Variants in PHACTR1 observed in about 807,000 individuals in gnomAD.
PHACTR1 encodes RPEL repeat containing 1.
A neutral mutation model predicts 69.2 loss-of-function variants in PHACTR1; 16 were observed. The observed-to-expected ratio is 0.23, with a 90% CI of 0.16 to 0.35. PHACTR1 has a LOEUF of 0.35. Among genes scored for constraint, PHACTR1 ranks in the 10% least tolerant of loss-of-function variants. PHACTR1 has a pLI of 1.00. For synonymous variants in PHACTR1, 312 were observed against 284.5 expected, an observed-to-expected ratio of 1.10 and a Z score of -0.97; for missense variants, 510 against 734.7, an observed-to-expected ratio of 0.69 and a Z score of 3.54.
At chr6:13,164,204 T>C (rs184651763) in intron 6 of PHACTR1, among the ~76,000 whole-genome samples, 53 of 152,304 alleles carry the variant, frequency 3.5e-4, no homozygotes, top group Non-Finnish European at 6.0e-4. Flanking sequence ...CTTCCCTTTC[T>C]ATAATATCAT....
At chr6:12,900,288 T>G (rs1785065029) in intron 4 of PHACTR1, among the ~76,000 whole-genome samples, 1 of 152,214 alleles carries the variant, frequency 6.6e-6, no homozygotes, top group Non-Finnish European at 1.5e-5. Flanking sequence ...CTCATCATTT[T>G]TTTTTTCGAA....
chr6:12,908,385 G>A (rs1444931874), intron 4 of PHACTR1, among the ~76,000 whole-genome samples: 3 of 152,182 alleles, frequency 2.0e-5, no homozygotes, highest in Non-Finnish European at 4.4e-5. Context: ...AGTGAGCTCA[G>A]TCCCAGGGAT....
rs151290036 is a variant in PHACTR1, at chr6:13,094,175, A to G, written c.415+40646A>G. On this transcript the variant is annotated intron_variant, in intron 5 of 14. Transcript: ENST00000332995. Reference sequence around the variant, plus strand: ...GGATTACAGGTGTGAGCCACCACACATGGCCAGCTATTTTTTATTTTAGGT... The same window carrying G: ...GGATTACAGGTGTGAGCCACCACACGTGGCCAGCTATTTTTTATTTTAGGT... Among the ~76,000 whole-genome samples, 614 of 151,470 alleles carry G rather than the reference A, an allele frequency of 4.1e-3. 3 individuals carry two copies. Among genetic ancestry groups the G allele is most frequent in the African/African-American group, 0.014 (587 of 41,298 alleles).
intron 4 of PHACTR1, among the ~76,000 whole-genome samples, chr6:12,898,763 T>A (rs1784922047): frequency 1.3e-5 from 2 of 152,186 alleles, no homozygotes; most frequent in Admixed American, 1.3e-4. Context: ...GACTTCCCCA[T>A]CGATGTCAGA....
chr6:13,076,026 TC>T (rs55987619), intron 5 of PHACTR1, among the ~76,000 whole-genome samples: 32,632 of 136,462 alleles, frequency 0.24, 4,572 homozygotes, highest in East Asian at 0.5. Flanking sequence ...CAAGGGAGCA[TC>T]TTTTTTTTTT....
intron 4 of PHACTR1, among the ~76,000 whole-genome samples, chr6:12,803,883 A>G (rs1419046141): frequency 6.6e-6 from 1 of 152,118 alleles, no homozygotes; most frequent in East Asian, 1.9e-4. Flanking sequence ...TTGCCCCTCA[A>G]CCCCACCCCA....
At chr6:13,039,836 T>A (rs145589651) in intron 4 of PHACTR1, among the ~76,000 whole-genome samples, 1 of 152,344 alleles carries the variant, frequency 6.6e-6, no homozygotes, top group East Asian at 1.9e-4. Flanking sequence ...ATGAAGTTTC[T>A]TTTCCTATTA....
Position 12,796,344 on chromosome 6 carries a change from C to T in PHACTR1, c.250+46554C>T, listed in dbSNP as rs200673002. Among the ~76,000 whole-genome samples the T allele has an allele frequency of 1.3e-4, 20 of 152,346 alleles. No individual in the cohort carries two copies. In the East Asian group the frequency reaches 3.8e-3, roughly 29 times the overall value. On this transcript the variant is annotated intron_variant, in intron 4 of 14. Coordinates refer to ENST00000332995, the MANE Select transcript of PHACTR1 (RefSeq NM_030948.6). ...TTGGAAGACTGCTTGATGCCCCAGA[C>T]TGTCTGCTATATTGCTATGTATTTC...
chr6:12,903,989 A>C (rs952206103), intron 4 of PHACTR1, among the ~76,000 whole-genome samples: 3 of 152,202 alleles, frequency 2.0e-5, no homozygotes, highest in Admixed American at 6.5e-5. Context: ...TTAACTATTA[A>C]AAATAATTTT....
intron 11 of PHACTR1, among the ~76,000 whole-genome samples, chr6:13,276,948 G>GT (rs1215494121): frequency 6.6e-6 from 1 of 152,206 alleles, no homozygotes; most frequent in African/African-American, 2.4e-5. Flanking sequence ...GTCCCAGGCA[G>GT]TCGTGATGCA....
intron 4 of PHACTR1, among the ~76,000 whole-genome samples, chr6:12,932,932 A>T (rs997090789): frequency 1.0e-4 from 15 of 143,838 alleles, no homozygotes; most frequent in Non-Finnish European, 2.3e-4. Flanking sequence ...TTTATTCCAA[A>T]TCTTTTTTTT....
intron 5 of PHACTR1, among the ~76,000 whole-genome samples, chr6:13,120,103 C>A (rs1046964344): frequency 6.6e-6 from 1 of 152,176 alleles, no homozygotes; most frequent in African/African-American, 2.4e-5. Context: ...GAGAAAACAC[C>A]TTCCCTTGCC....
rs1210915045 is a variant in PHACTR1, at chr6:13,053,504, C to T, written c.390C>T (p.Ser130=). 7 of 1,613,566 alleles carry T rather than the reference C, an allele frequency of 4.3e-6. No homozygotes were observed. Among genetic ancestry groups the T allele is most frequent in the East Asian group, 4.5e-5 (2 of 44,874 alleles). Residue 130 remains serine, a synonymous_variant, in exon 5 of 15, where the codon AGC becomes AGT. Coordinates refer to ENST00000332995, the MANE Select transcript of PHACTR1 (RefSeq NM_030948.6). ...CTTGGAAATGGAGGAAGAAGAAAAGCGAAAAGTTCAAACACACGTCAGCAG... is the reference window on the plus strand; with the variant it reads ...CTTGGAAATGGAGGAAGAAGAAAAGTGAAAAGTTCAAACACACGTCAGCAG... The part of the protein sequence containing the change: ...FKPWKWRKKK[S]EKFKHTSAAL...
At chr6:13,228,483 G>C (rs537725665) in intron 9 of PHACTR1, among the ~76,000 whole-genome samples, 2 of 152,230 alleles carry the variant, frequency 1.3e-5, no homozygotes, top group East Asian at 1.9e-4. Flanking sequence ...ACTTTAGAAG[G>C]CCTCAATTTA....
At chr6:12,879,404 G>A (rs550020889) in intron 4 of PHACTR1, among the ~76,000 whole-genome samples, 4 of 152,252 alleles carry the variant, frequency 2.6e-5, no homozygotes, top group African/African-American at 7.2e-5. Context: ...TTGTAGGTCA[G>A]GCAACTGGGG....
intron 4 of PHACTR1, among the ~76,000 whole-genome samples, chr6:12,943,211 C>T (rs1790237610): frequency 6.6e-6 from 1 of 152,184 alleles, no homozygotes; most frequent in African/African-American, 2.4e-5. Context: ...AAAGTACTGA[C>T]ATGTGTACTT....
At chr6:13,026,185 A>T (rs1801668097) in intron 4 of PHACTR1, among the ~76,000 whole-genome samples, 1 of 152,226 alleles carries the variant, frequency 6.6e-6, no homozygotes, top group Admixed American at 6.5e-5. Flanking sequence ...TTAGAAAGCA[A>T]GTATGGCTTA....
intron 4 of PHACTR1, among the ~76,000 whole-genome samples, chr6:12,782,342 G>C (rs939977524): frequency 3.9e-5 from 6 of 152,090 alleles, no homozygotes; most frequent in Admixed American, 3.9e-4. Flanking sequence ...AGCAGGTTGG[G>C]CCGGTGTCTA....
At chr6:13,234,933 A>G (rs4711946) in intron 10 of PHACTR1, among the ~76,000 whole-genome samples, 20,571 of 152,150 alleles carry the variant, frequency 0.14, 2,004 homozygotes, top group African/African-American at 0.25. Context: ...GGTGCCAGGC[A>G]AAAATTGTAG....
Sources: allele counts gnomAD v4.1 joint callset (sites outside exome capture counted in the v4.1 genomes callset), GRCh38; gene constraint gnomAD v4.1.1; transcripts MANE v1.5; gene names NCBI Gene and HGNC (gene_info 2026-07-23, HGNC 2026-07-21).